SYNE1: variants seen among roughly 807,000 people sequenced by gnomAD.
SYNE1 encodes the protein nesprin-1.
A neutral mutation model predicts 1,111.0 loss-of-function variants in SYNE1; 616 were observed. The observed-to-expected ratio is 0.55, with a 90% confidence interval of 0.52 to 0.59. SYNE1 has a LOEUF of 0.59. Ranked by LOEUF, SYNE1 falls within the 20% of genes least tolerant of loss-of-function variation. SYNE1 has a pLI of 0.00. For synonymous variants in SYNE1, 3,855 were observed against 3,825.8 expected, an observed-to-expected ratio of 1.01 and a Z score of -0.28; for missense variants, 10,006 against 10,417.0, an observed-to-expected ratio of 0.96 and a Z score of 1.72.
At chr6:152,396,710 T>C in intron 50 of SYNE1, 65 bp downstream of exon 50, 1 of 1,434,104 alleles carries the variant, frequency 7.0e-7, no homozygotes, top group Non-Finnish European at 9.8e-7. Flanking sequence ...ACATGACTCT[T>C]TTCTCTAAGC....
At position 152,458,842 on chromosome 6, in the gene SYNE1, T is replaced by C. The variant is rs764909700; in HGVS notation, c.2483A>G (p.Tyr828Cys). Reference protein sequence around the residue: ...EELEKQMTSFYDSLGKINEII... With the variant: ...EELEKQMTSFCDSLGKINEII... ...TTCATTGATTTTCCCAAGTGAGTCA[T>C]AAAAGGACGTCATCTGCTTTTCTAA... is the stretch of plus-strand genomic sequence containing the variant. Residue 828 changes from tyrosine to cysteine, a missense_variant, in exon 22 of 146, where the codon TAT (tyrosine) becomes TGT (cysteine). By Grantham distance (194) the Tyr-to-Cys change is radical. Coordinates refer to ENST00000367255, the MANE Select transcript of SYNE1 (RefSeq NM_182961.4). The C allele has an allele frequency of 4.3e-6, 7 of 1,614,092 alleles. No individual in the cohort carries two copies. The highest frequency in any genetic ancestry group is 5.9e-6 in the Non-Finnish European group (7 of 1,179,982).
chr6:152,280,153 G>A (rs1342580085), intron 97 of SYNE1, among the ~76,000 whole-genome samples: 2 of 152,122 alleles, frequency 1.3e-5, no homozygotes, highest in African/African-American at 2.4e-5. Context: ...AATAGTCACC[G>A]TTATAATTAG....
intron 8 of SYNE1, 58 bp from the exon 9 acceptor site, chr6:152,505,455 T>C: frequency 6.4e-7 from 1 of 1,568,166 alleles, no homozygotes; most frequent in Admixed American, 1.7e-5. Flanking sequence ...AAGCACTTTC[T>C]TCAAGGCCTC....
intron 45 of SYNE1, among the ~76,000 whole-genome samples, chr6:152,406,483 CAAAA>C (rs34312248): frequency 0.035 from 4,857 of 137,646 alleles, 111 homozygotes; most frequent in African/African-American, 0.059. Context: ...GATAAAAATG[CAAAA>C]AAAAAAAAAC....
Position 152,208,066 on chromosome 6 carries a change from T to C in SYNE1, c.22730A>G (p.Lys7577Arg). Residue 7577 changes from lysine (K) to arginine (R), a missense_variant, in exon 125 of 146, where the codon AAA (lysine) becomes AGA (arginine). Lys to Arg is a conservative substitution (Grantham distance 26, BLOSUM62 2). Coordinates refer to ENST00000367255, the MANE Select transcript of SYNE1 (RefSeq NM_182961.4). Reference sequence around the variant, plus strand: ...GAGGTAGGACACTTCAACCAACCATTTACGAAGCTTTTCTGCCATCTCCCT... The same window carrying C: ...GAGGTAGGACACTTCAACCAACCATCTACGAAGCTTTTCTGCCATCTCCCT... ...RYREMAEKLR[K>R]WLVEVSYLPM... 6.2e-7 allele frequency: 1 copy of C among 1,614,074 alleles called. No homozygotes were observed. Among genetic ancestry groups the C allele is most frequent in the Non-Finnish European group, 8.5e-7 (1 of 1,180,000 alleles).
chr6:152,447,480 G>A lies in SYNE1; in HGVS notation c.3647C>T (p.Ala1216Val), dbSNP rs200629713. The change falls in exon 29 of 146, where the codon GCT (alanine) becomes GTT (valine). Residue 1216 changes from alanine (A) to valine (V), a missense_variant. Physicochemically the swap from Ala to Val is moderately conservative, Grantham distance 64. This residue lies in a region of SYNE1 where 1,971 missense variants were observed against 2,084.1 expected (regional missense o/e 0.95). Transcript: ENST00000367255. ...ELAKLSSSFK[A>V]LVTLLSEVEK... Reference sequence around the variant, plus strand: ...TACCTCTGACAGCAGCGTCACAAGAGCCTTGAAAGAGCTGGATAATTTTGC... The same window carrying A: ...TACCTCTGACAGCAGCGTCACAAGAACCTTGAAAGAGCTGGATAATTTTGC... 5.8e-5 allele frequency: 93 copies of A among 1,614,078 alleles called. No individual in the cohort carries two copies. Among genetic ancestry groups the A allele is most frequent in the Non-Finnish European group, 7.1e-5 (84 of 1,180,038 alleles).
At chr6:152,401,899 G>C (rs1314906583) in intron 46 of SYNE1, among the ~76,000 whole-genome samples, 3 of 152,100 alleles carry the variant, frequency 2.0e-5, no homozygotes, top group African/African-American at 7.2e-5. Context: ...ACTATACATT[G>C]AAAAACAATC....
At chr6:152,391,172 C>A in intron 52 of SYNE1, 105 bp downstream of exon 52, 2 of 1,559,166 alleles carry the variant, frequency 1.3e-6, no homozygotes, top group Non-Finnish European at 1.8e-6. Context: ...CCACACAATC[C>A]TCATTTAGAG....
At position 152,458,816 on chromosome 6, in the gene SYNE1, T is replaced by G; in HGVS notation, c.2509A>C (p.Ile837Leu). The change falls in exon 22 of 146, where the codon ATT becomes CTT. Residue 837 changes from isoleucine to leucine, a missense_variant. Physicochemically the swap from Ile to Leu is conservative, Grantham distance 5. Around this residue, in one of 7 missense-constraint regions of SYNE1, gnomAD observed 1,971 missense variants for 2,084.1 expected, o/e 0.95. Transcript: ENST00000367255. ...FYDSLGKINEIITVLEREAQS... is the reference protein window; with the variant it reads ...FYDSLGKINELITVLEREAQS... Reference sequence around the variant, plus strand: ...GCCTCACGCTCAAGAACTGTGATAATTTCATTGATTTTCCCAAGTGAGTCA... The same window carrying G: ...GCCTCACGCTCAAGAACTGTGATAAGTTCATTGATTTTCCCAAGTGAGTCA... 1 of 1,614,084 alleles carries G rather than the reference T, an allele frequency of 6.2e-7. No individual in the cohort carries two copies.
intron 6 of SYNE1, among the ~76,000 whole-genome samples, chr6:152,513,798 C>T (rs757417256): frequency 4.6e-5 from 7 of 152,082 alleles, no homozygotes; most frequent in Non-Finnish European, 7.4e-5. Context: ...AAACAAACAA[C>T]TCCATCAAAA....
At position 152,419,646 on chromosome 6, in the gene SYNE1, T is replaced by C; in HGVS notation, c.5344A>G (p.Lys1782Glu). 6.2e-7 allele frequency: 1 copy of C among 1,614,074 alleles called. No individual in the cohort carries two copies. The highest frequency in any genetic ancestry group is 8.5e-7 in the Non-Finnish European group (1 of 1,179,990). ...ELLLSFSVWI[K>E]LFLSELQTTS... ...GTTTGTAATTCACTGAGAAACAGTT[T>C]AATCCAGACAGAAAAGGAAAGCAGC... The change falls in exon 40 of 146, where the codon AAA becomes GAA. Residue 1782 changes from lysine (K) to glutamate (E), a missense_variant. Transcript: ENST00000367255.
chr6:152,230,779 C>G (rs2082597827), intron 114 of SYNE1, 77 bp from the exon 115 acceptor site: 2 of 1,456,254 alleles, frequency 1.4e-6, no homozygotes, highest in Non-Finnish European at 1.9e-6. Flanking sequence ...ATTATTCTAG[C>G]CAGTATTTTC....
intron 78 of SYNE1, among the ~76,000 whole-genome samples, chr6:152,327,987 A>G (rs928852083): frequency 1.3e-5 from 2 of 152,220 alleles, no homozygotes; most frequent in Non-Finnish European, 2.9e-5. Flanking sequence ...GATTTTATCC[A>G]ATATTAAAAT....
chr6:152,621,428 C>T (rs986833174), intron 3 of SYNE1, among the ~76,000 whole-genome samples: 1 of 152,108 alleles, frequency 6.6e-6, no homozygotes, highest in African/African-American at 2.4e-5. Context: ...CTTAGACACT[C>T]TTACTTTTAG....
intron 3 of SYNE1, among the ~76,000 whole-genome samples, chr6:152,562,307 T>A (rs2099397595): frequency 6.6e-6 from 1 of 152,032 alleles, no homozygotes; most frequent in Non-Finnish European, 1.5e-5. Flanking sequence ...ATGCTCGACA[T>A]CACAAAACAT....
chr6:152,316,556 A>G (rs1238610313), intron 87 of SYNE1: 2 of 400,406 alleles, frequency 5.0e-6, no homozygotes, highest in Non-Finnish European at 9.2e-6. Flanking sequence ...ATCCCTGCAG[A>G]TAATTATTTC....
intron 14 of SYNE1, chr6:152,474,736 GA>G (rs2098825687): frequency 6.6e-6 from 1 of 152,192 alleles, no homozygotes; most frequent in Non-Finnish European, 1.5e-5. Context: ...TATTGATTAA[GA>G]GGGGGTTAAG....
intron 14 of SYNE1, among the ~76,000 whole-genome samples, chr6:152,477,283 C>A (rs183426870): frequency 4.7e-4 from 71 of 151,588 alleles, no homozygotes; most frequent in African/African-American, 1.6e-3. Context: ...ATGATAAATG[C>A]TAAAGAGAAA....
chr6:152,509,974 C>A (rs148716842), intron 8 of SYNE1, among the ~76,000 whole-genome samples: 61 of 152,110 alleles, frequency 4.0e-4, no homozygotes, highest in African/African-American at 1.4e-3. Flanking sequence ...GGCCCAATTG[C>A]ATGAATAAAG....
Sources: allele counts gnomAD v4.1 joint callset (sites outside exome capture counted in the v4.1 genomes callset), GRCh38; gene constraint gnomAD v4.1.1; regional missense constraint gnomAD v4.1.1; transcripts MANE v1.5; gene names NCBI Gene and HGNC (gene_info 2026-07-23, HGNC 2026-07-21).